The following TEX48 variants were observed in gnomAD, a reference collection of about 807,000 sequenced individuals.
The protein encoded by TEX48 is testis expressed 48, also known as testis-expressed protein 48.
Under a neutral mutation model 13.2 loss-of-function variants are expected in TEX48, and 10 were observed. That is an observed-to-expected ratio of 0.75 (90% CI 0.47 to 1.28). TEX48 has a LOEUF of 1.28. Among genes scored for constraint, TEX48 ranks in the 50% most tolerant of loss-of-function variants. The pLI is 0.00. For synonymous variants in TEX48, 45 were observed against 52.3 expected (o/e 0.86, Z 0.60); for missense variants, 116 against 139.4 (o/e 0.83, Z 0.84).
In TEX48 at chr9:114,671,764, AG is replaced by A; in HGVS notation, c.-42del. On this transcript the variant is annotated 5_prime_UTR_variant, in exon 2 of 5. Coordinates refer to ENST00000436752, the MANE Select transcript of TEX48 (RefSeq NM_001199233.2). ...CTTCTACTCTGCCAGCTTTGTCTGCAGGGGTGCCTTGTTGAATCAGCCAGTC... is the reference window on the plus strand; with the variant it reads ...CTTCTACTCTGCCAGCTTTGTCTGCAGGGTGCCTTGTTGAATCAGCCAGTC... 1 of 1,535,396 alleles carries A rather than the reference AG, an allele frequency of 6.5e-7. No homozygotes were observed.
chr9:114,680,245 A>G (rs1238437950), intron 1 of TEX48, among the ~76,000 whole-genome samples: 1 of 148,462 alleles, frequency 6.7e-6, no homozygotes, highest in African/African-American at 2.5e-5. Context: ...CTCCTGCCTC[A>G]GCCTCCCGAG....
chr9:114,672,322 G>C (rs1354044675), intron 1 of TEX48, among the ~76,000 whole-genome samples: 2 of 152,174 alleles, frequency 1.3e-5, no homozygotes, highest in Non-Finnish European at 2.9e-5. Flanking sequence ...CTCGTCAGTA[G>C]TAAGAAGTTA....
intron 1 of TEX48, among the ~76,000 whole-genome samples, chr9:114,674,564 T>A (rs1828016138): frequency 7.6e-6 from 1 of 131,768 alleles, no homozygotes; most frequent in Non-Finnish European, 1.5e-5. Context: ...TTTTCTTCTT[T>A]TTTTCTTTTC....
chr9:114,669,003 A>C (rs1021146962), intron 3 of TEX48, among the ~76,000 whole-genome samples: 1 of 151,700 alleles, frequency 6.6e-6, no homozygotes, highest in Non-Finnish European at 1.5e-5. Flanking sequence ...CGCCCAGCTA[A>C]TTTTTAAATT....
chr9:114,668,314 G>A lies in TEX48; in HGVS notation c.151C>T (p.Leu51Phe), dbSNP rs981454432. 7 of 1,535,574 alleles carry A rather than the reference G, an allele frequency of 4.6e-6. No individual in the cohort carries two copies. The African/African-American group carries it at 5.5e-5, about 12-fold the overall frequency. Residue 51 changes from leucine (L) to phenylalanine (F), a missense_variant, in exon 4 of 5, where the codon CTT (leucine) becomes TTT (phenylalanine). By Grantham distance (22) the Leu-to-Phe change is conservative. Coordinates refer to ENST00000436752, the MANE Select transcript of TEX48 (RefSeq NM_001199233.2). ...TQNLLLQKDELDRQNPKRINA... is the reference protein window; with the variant it reads ...TQNLLLQKDEFDRQNPKRINA... ...ATGCGCTTGGGATTTTGTCTGTCAA[G>A]CTCATCCTTCTGAAGCAGCAAATCT...
chr9:114,671,478 A>C lies in TEX48; in HGVS notation c.32T>G (p.Ile11Ser). 2 of 1,535,450 alleles carry C rather than the reference A, an allele frequency of 1.3e-6. No individual in the cohort carries two copies. The highest frequency in any genetic ancestry group is 1.7e-6 in the Non-Finnish European group (2 of 1,146,858). Reference sequence around the variant, plus strand: ...ACAGTCCCTGCAGCATAAACAGAAGATCTTCAAGATCAGGTTTTGGTGGGC... The same window carrying C: ...ACAGTCCCTGCAGCATAAACAGAAGCTCTTCAAGATCAGGTTTTGGTGGGC... MAAHQNLILK[I>S]FCLCCRDCQE... Residue 11 changes from isoleucine to serine, a missense_variant, in exon 3 of 5, where the codon ATC (isoleucine) becomes AGC (serine). Coordinates refer to ENST00000436752, the MANE Select transcript of TEX48 (RefSeq NM_001199233.2).
chr9:114,680,644 C>G (rs1012749275), intron 1 of TEX48, among the ~76,000 whole-genome samples: 1 of 152,094 alleles, frequency 6.6e-6, no homozygotes, highest in East Asian at 1.9e-4. Context: ...AAGATCTGGA[C>G]AATCTTGGAG....
chr9:114,678,907 A>G (rs959577406), intron 1 of TEX48, among the ~76,000 whole-genome samples: 3 of 152,074 alleles, frequency 2.0e-5, no homozygotes, highest in East Asian at 1.9e-4. Context: ...AGCAGGATGA[A>G]AAAGGTCAGA....
intron 1 of TEX48, among the ~76,000 whole-genome samples, chr9:114,677,640 T>C (rs531450857): frequency 1.3e-5 from 2 of 152,062 alleles, no homozygotes; most frequent in Non-Finnish European, 2.9e-5. Flanking sequence ...CAGCCCTGAG[T>C]GTCTGGAGTT....
Position 114,671,445 on chromosome 9 carries a change from G to A in TEX48, c.65C>T (p.Pro22Leu). Reference protein sequence around the residue: ...FCLCCRDCQEPYAINDSKVPS... With the variant: ...FCLCCRDCQELYAINDSKVPS... ...AACCTTGGAGTCATTGATGGCATAG[G>A]GCTCCTGACAGTCCCTGCAGCATAA... Residue 22 changes from proline to leucine, a missense_variant, in exon 3 of 5, where the codon CCC (proline) becomes CTC (leucine). Transcript: ENST00000436752. 5.2e-6 allele frequency: 8 copies of A among 1,535,502 alleles called. No homozygotes were observed. The highest frequency in any genetic ancestry group is 7.0e-6 in the Non-Finnish European group (8 of 1,146,832).
At chr9:114,674,870 G>A (rs1177102961) in intron 1 of TEX48, among the ~76,000 whole-genome samples, 3 of 149,408 alleles carry the variant, frequency 2.0e-5, no homozygotes, top group Admixed American at 2.0e-4. Flanking sequence ...TAAGAGAAGG[G>A]GTCTCACTGT....
chr9:114,679,789 A>C (rs1348746819), intron 1 of TEX48, among the ~76,000 whole-genome samples: 1 of 152,214 alleles, frequency 6.6e-6, no homozygotes, highest in Non-Finnish European at 1.5e-5. Context: ...TGAACAATTT[A>C]AAGTGCCTTT....
chr9:114,666,837 C>T, intron 4 of TEX48, 91 bp from the exon 5 acceptor site: 1 of 669,492 alleles, frequency 1.5e-6, no homozygotes, highest in South Asian at 1.9e-5. Flanking sequence ...CATTGCTGAT[C>T]ATTCCTCAGC....
chr9:114,674,409 G>C (rs1828011958), intron 1 of TEX48, among the ~76,000 whole-genome samples: 1 of 152,004 alleles, frequency 6.6e-6, no homozygotes, highest in Non-Finnish European at 1.5e-5. Context: ...TTACCTTCAA[G>C]TCTTTGCTTC....
chr9:114,666,781 A>G, intron 4 of TEX48, 35 bp from the exon 5 acceptor site: 1 of 1,121,662 alleles, frequency 8.9e-7, no homozygotes, highest in Non-Finnish European at 1.3e-6. Context: ...TGCTGGGTGA[A>G]GGCCTTTGAA....
chr9:114,680,117 GT>G (rs1297104368), intron 1 of TEX48, among the ~76,000 whole-genome samples: 1 of 93,146 alleles, frequency 1.1e-5, no homozygotes, highest in Non-Finnish European at 2.2e-5. Flanking sequence ...AATTGTCATT[GT>G]CCCTTTTTTT....
chr9:114,668,162 C>A, intron 4 of TEX48, 44 bp downstream of exon 4: 1 of 1,533,876 alleles, frequency 6.5e-7, no homozygotes, highest in South Asian at 1.2e-5. Flanking sequence ...GGCTCCCTGT[C>A]TGGGAGTTTC....
At chr9:114,668,056 G>A in intron 4 of TEX48, 150 bp downstream of exon 4, 1 of 975,042 alleles carries the variant, frequency 1.0e-6, no homozygotes, top group Non-Finnish European at 1.5e-6. Context: ...TCTCCCCAGT[G>A]TGCTCTGGAA....
Position 114,666,756 on chromosome 9 carries a change from G to A in TEX48, c.260-10C>T. On this transcript the variant is annotated splice_polypyrimidine_tract_variant and intron_variant, in intron 4 of 4. Transcript: ENST00000436752. ...GCATATGCATTCAGATCTGAAAGAAGAAAGGAAAAAATTATGCTGGGTGAA... is the reference window on the plus strand; with the variant it reads ...GCATATGCATTCAGATCTGAAAGAAAAAAGGAAAAAATTATGCTGGGTGAA... The A allele has an allele frequency of 6.9e-7, 1 of 1,447,680 alleles. No homozygotes were observed. Among genetic ancestry groups the A allele is most frequent in the Non-Finnish European group, 9.3e-7 (1 of 1,069,754 alleles). The allele number at this position is 1,447,680 out of a possible 1,614,324, so 89.7% of individuals were successfully genotyped here.
Sources: gnomAD v4.1 joint callset for allele counts (sites outside exome capture counted in the v4.1 genomes callset) on GRCh38, gnomAD v4.1.1 for gene constraint, MANE v1.5 for transcripts, NCBI Gene and HGNC (gene_info 2026-07-23, HGNC 2026-07-21) for gene names.